ARHGAP26: variants seen among roughly 807,000 people sequenced by gnomAD.
ARHGAP26 encodes Rho GTPase activating protein 26.
ARHGAP26 carries 38 observed loss-of-function variants against 104.8 expected under a neutral mutation model. The ratio of observed to expected loss-of-function variants is 0.36; its 90% CI spans 0.28 to 0.48. The LOEUF (loss-of-function observed/expected upper bound fraction) is 0.48, where lower values mean the gene tolerates loss of function less well. ARHGAP26 is among the 20% of genes least tolerant of loss of function. The pLI is 0.99. For missense variants in ARHGAP26, 704 were observed against 947.9 expected (o/e 0.74, Z 3.38); for synonymous variants, 341 against 340.0 (o/e 1.00, Z -0.03).
At chr5:142,963,677 G>A (rs1770788207) in intron 11 of ARHGAP26, among the ~76,000 whole-genome samples, 1 of 152,084 alleles carries the variant, frequency 6.6e-6, no homozygotes, top group African/African-American at 2.4e-5. Context: ...GATTACTCCT[G>A]ATTACTCTTC....
intron 1 of ARHGAP26, among the ~76,000 whole-genome samples, chr5:142,843,717 T>A (rs189344490): frequency 1.3e-3 from 203 of 152,340 alleles, no homozygotes; most frequent in African/African-American, 4.6e-3. Flanking sequence ...AGAAAAAGCA[T>A]TGAATTATAA....
At chr5:143,131,891 A>C (rs1599154214) in intron 18 of ARHGAP26, among the ~76,000 whole-genome samples, 2 of 152,318 alleles carry the variant, frequency 1.3e-5, no homozygotes, top group East Asian at 3.9e-4. Flanking sequence ...GTAGGGAGAA[A>C]GCTTCTTAGA....
At chr5:143,051,697 G>C (rs1785051163) in intron 14 of ARHGAP26, among the ~76,000 whole-genome samples, 1 of 152,140 alleles carries the variant, frequency 6.6e-6, no homozygotes, top group Non-Finnish European at 1.5e-5. Context: ...GCTATAAAAA[G>C]CCCTTTAGCC....
intron 1 of ARHGAP26, among the ~76,000 whole-genome samples, chr5:142,798,064 T>A (rs1761346633): frequency 6.6e-6 from 1 of 152,182 alleles, no homozygotes; most frequent in South Asian, 2.1e-4. Context: ...ATTTGCCAGG[T>A]GGACTCATTG....
chr5:143,138,245 G>A (rs1014968448), intron 19 of ARHGAP26, among the ~76,000 whole-genome samples: 1 of 152,160 alleles, frequency 6.6e-6, no homozygotes, highest in Non-Finnish European at 1.5e-5. Flanking sequence ...TCTGTGCTGG[G>A]CAGGGACTTA....
At chr5:142,951,123 G>C (rs976238082) in intron 11 of ARHGAP26, among the ~76,000 whole-genome samples, 15 of 151,488 alleles carry the variant, frequency 9.9e-5, no homozygotes, top group Admixed American at 9.9e-4. Flanking sequence ...GCAGTGGTGC[G>C]ATCTCAGCTC....
At chr5:143,033,863 C>T (rs1295693151) in intron 12 of ARHGAP26, among the ~76,000 whole-genome samples, 5 of 152,198 alleles carry the variant, frequency 3.3e-5, no homozygotes, top group African/African-American at 1.2e-4. Context: ...CTTCACCTGA[C>T]TATTGAATCG....
At chr5:142,895,528 CCA>C (rs1352795498) in intron 6 of ARHGAP26, among the ~76,000 whole-genome samples, 2 of 152,186 alleles carry the variant, frequency 1.3e-5, no homozygotes, top group East Asian at 3.9e-4. Flanking sequence ...GCACGCCCGA[CCA>C]AGAAAGGAGA....
chr5:142,804,205 G>C (rs1249896755), intron 1 of ARHGAP26, among the ~76,000 whole-genome samples: 1 of 152,150 alleles, frequency 6.6e-6, no homozygotes, highest in Non-Finnish European at 1.5e-5. Context: ...AAAAACGACA[G>C]TTTTATATGG....
At chr5:142,933,055 A>G (rs1241977887) in intron 11 of ARHGAP26, among the ~76,000 whole-genome samples, 4 of 152,248 alleles carry the variant, frequency 2.6e-5, no homozygotes, top group African/African-American at 4.8e-5. Context: ...ATAATTAAGC[A>G]TTGTTTAATC....
chr5:142,862,615 C>A (rs1753564998), intron 1 of ARHGAP26, among the ~76,000 whole-genome samples: 2 of 152,138 alleles, frequency 1.3e-5, no homozygotes, highest in South Asian at 4.1e-4. Flanking sequence ...ACTGTTTAAC[C>A]AAGTTCTGGG....
intron 11 of ARHGAP26, among the ~76,000 whole-genome samples, chr5:142,960,614 AT>A (rs1431125080): frequency 6.6e-6 from 1 of 152,176 alleles, no homozygotes; most frequent in East Asian, 1.9e-4. Flanking sequence ...GTCTCTTGTT[AT>A]GAGGGGAGAC....
At position 143,132,012 on chromosome 5, in the gene ARHGAP26, G is replaced by C. The variant is rs143735069; in HGVS notation, c.1699-1955G>C. 2.3e-3 allele frequency among the ~76,000 whole-genome samples: 352 copies of C among 152,242 alleles called. 1 individual carries two copies. Among genetic ancestry groups the C allele is most frequent in the Non-Finnish European group, 3.6e-3 (247 of 68,008 alleles). ...GGGGTTCCAGCTGCTCGGGAAGTTAGGAGTTTTTTCTTGCTTTTACTTGGT... is the reference window on the plus strand; with the variant it reads ...GGGGTTCCAGCTGCTCGGGAAGTTACGAGTTTTTTCTTGCTTTTACTTGGT... On this transcript the variant is annotated intron_variant, in intron 18 of 22. Transcript: ENST00000645722.
Position 142,886,277 on chromosome 5 carries a change from C to G in ARHGAP26, c.486+878C>G, listed in dbSNP as rs1311251684. ...TTTTTGAACAGATACCATGCCAGTA[C>G]TTCTGTTAGGTGAAAGTTCATATGA... On this transcript the variant is annotated intron_variant, in intron 5 of 22. Transcript: ENST00000645722. Among the ~76,000 whole-genome samples, 3 of 152,110 alleles carry G rather than the reference C, an allele frequency of 2.0e-5. No homozygotes were observed. The South Asian group carries it at 6.2e-4, about 31-fold the overall frequency.
At chr5:143,081,824 G>A (rs1205627628) in intron 17 of ARHGAP26, among the ~76,000 whole-genome samples, 5 of 151,986 alleles carry the variant, frequency 3.3e-5, no homozygotes, top group Non-Finnish European at 5.9e-5. Context: ...CCATCCTGCC[G>A]AACACAGTGA....
chr5:142,800,639 G>A (rs1160043845), intron 1 of ARHGAP26, among the ~76,000 whole-genome samples: 2 of 152,192 alleles, frequency 1.3e-5, no homozygotes, highest in Non-Finnish European at 2.9e-5. Context: ...TGGGATTACA[G>A]GCGTGAGCCA....
intron 1 of ARHGAP26, among the ~76,000 whole-genome samples, chr5:142,819,153 G>A (rs747100970): frequency 3.9e-5 from 6 of 152,166 alleles, no homozygotes; most frequent in Non-Finnish European, 5.9e-5. Flanking sequence ...TCTATGGACT[G>A]GTTTTCTGCC....
chr5:142,973,682 T>C (rs550372286), intron 11 of ARHGAP26, among the ~76,000 whole-genome samples: 1 of 152,318 alleles, frequency 6.6e-6, no homozygotes, highest in South Asian at 2.1e-4. Flanking sequence ...AATAAATCCA[T>C]GGGTGTGGTT....
chr5:143,168,125 C>T (rs887043571), intron 20 of ARHGAP26, among the ~76,000 whole-genome samples: 4 of 152,136 alleles, frequency 2.6e-5, no homozygotes, highest in African/African-American at 9.7e-5. Context: ...ATTTAGACAG[C>T]AAACAGTGGG....
Sources: gnomAD v4.1 joint callset for allele counts (sites outside exome capture counted in the v4.1 genomes callset) on GRCh38, gnomAD v4.1.1 for gene constraint, MANE v1.5 for transcripts, NCBI Gene and HGNC (gene_info 2026-07-23, HGNC 2026-07-21) for gene names.